The following SLC7A10 variants were observed in gnomAD, a reference collection of about 807,000 sequenced individuals.
SLC7A10 encodes solute carrier family 7 member 10.
Under a neutral mutation model 52.7 loss-of-function variants are expected in SLC7A10, and 30 were observed. That is an observed-to-expected ratio of 0.57 (90% CI 0.43 to 0.77). The LOEUF is 0.77. Among genes scored for constraint, SLC7A10 ranks in the 30% least tolerant of loss-of-function variants. The pLI is 0.00. For synonymous variants in SLC7A10, 318 were observed against 314.9 expected, an observed-to-expected ratio of 1.01 and a Z score of -0.10; for missense variants, 581 against 698.5, an observed-to-expected ratio of 0.83 and a Z score of 1.90.
intron 1 of SLC7A10, among the ~76,000 whole-genome samples, chr19:33,216,788 C>T (rs886732897): frequency 3.5e-4 from 54 of 152,212 alleles, no homozygotes; most frequent in Admixed American, 1.8e-3. Flanking sequence ...CCCTGTGGAT[C>T]AGGCTGGTCT....
At chr19:33,222,863 G>A (rs964999363) in intron 1 of SLC7A10, among the ~76,000 whole-genome samples, 2 of 152,122 alleles carry the variant, frequency 1.3e-5, no homozygotes, top group African/African-American at 4.8e-5. Flanking sequence ...ACCCTTCCAG[G>A]TCTTCCCATT....
At chr19:33,211,661 AG>A in intron 5 of SLC7A10, 124 bp from the exon 6 acceptor site, 1 of 1,544,596 alleles carries the variant, frequency 6.5e-7, no homozygotes, top group South Asian at 1.2e-5. Flanking sequence ...GGGGCAGGAA[AG>A]GGGGCAGCAT....
intron 2 of SLC7A10, among the ~76,000 whole-genome samples, chr19:33,213,948 TGCCTCATCGGGGACATCA>T (rs1212926483): frequency 8.5e-5 from 13 of 152,222 alleles, no homozygotes; most frequent in South Asian, 4.1e-4. Context: ...GGGAGAGGAC[TGCCTCATCGGGGACATCA>T]GCCATCTCTG....
chr19:33,222,459 TAAAATAAATAAAATA>T (rs1431815010), intron 1 of SLC7A10, among the ~76,000 whole-genome samples: 35 of 141,548 alleles, frequency 2.5e-4, no homozygotes, highest in South Asian at 6.5e-4. Context: ...TAAAATAAAA[TAAAATAAATAAAATA>T]AAATAAAATA....
chr19:33,225,665 G>T lies in SLC7A10; in HGVS notation c.39C>A (p.Asn13Lys). ...GHTQQPSGRG[N>K]PRPAPSPSPV... ...GGGAGGGCGAGGGCGCAGGCCTGGG[G>T]TTCCCGCGCCCGCTCGGCTGCTGCG... Residue 13 changes from asparagine (N) to lysine (K), a missense_variant, in exon 1 of 11, where the codon AAC becomes AAA. Coordinates refer to ENST00000253188, the MANE Select transcript of SLC7A10 (RefSeq NM_019849.3). 1 of 1,568,134 alleles carries T rather than the reference G, an allele frequency of 6.4e-7. No homozygotes were observed.
intron 10 of SLC7A10, 115 bp downstream of exon 10, chr19:33,209,177 GGTGGCGGCTGGGCCCT>G (rs1374641041): frequency 7.3e-6 from 11 of 1,507,390 alleles, no homozygotes; most frequent in Middle Eastern, 2.3e-4. Flanking sequence ...AGAGACATTT[GGTGGCGGCTGGGCCCT>G]GTGTTCCCAC....
intron 1 of SLC7A10, among the ~76,000 whole-genome samples, chr19:33,218,930 G>A (rs369886440): frequency 2.6e-5 from 4 of 151,740 alleles, no homozygotes; most frequent in South Asian, 2.1e-4. Context: ...TACCTGATTC[G>A]GGGAGCAGCA....
Position 33,225,575 on chromosome 19 carries a change from C to G in SLC7A10, c.129G>C (p.Leu43=), listed in dbSNP as rs774326321. The G allele has an allele frequency of 1.3e-6, 2 of 1,596,530 alleles. No homozygotes were observed. Among genetic ancestry groups the G allele is most frequent in the Non-Finnish European group, 1.7e-6 (2 of 1,179,306 alleles). ...RVALKKEIGL[L]SACTIIIGNI... ...CACCGATGATGATGGTGCAGGCGCTCAGCAGCCCGATCTCCTTCTTGAGCG... is the reference window on the plus strand; with the variant it reads ...CACCGATGATGATGGTGCAGGCGCTGAGCAGCCCGATCTCCTTCTTGAGCG... The change falls in exon 1 of 11, where the codon CTG becomes CTC. Residue 43 remains leucine (L), a synonymous_variant. Transcript: ENST00000253188.
Position 33,212,526 on chromosome 19 carries a change from G to A in SLC7A10, c.622C>T (p.Gln208Ter). 1 of 1,614,032 alleles carries A rather than the reference G, an allele frequency of 6.2e-7. No homozygotes were observed. Among genetic ancestry groups the A allele is most frequent in the Non-Finnish European group, 8.5e-7 (1 of 1,180,048 alleles). Reference sequence around the variant, plus strand: ...GACTCGGCCCTACCTTGGAAGATCTGGAGAAGGCCCACGCCGATGATGAGG... The same window carrying A: ...GACTCGGCCCTACCTTGGAAGATCTAGAGAAGGCCCACGCCGATGATGAGG... The part of the protein sequence containing the change: ...LSLIIGVGLL[Q>*]IFQGHFEELR... Residue 208 changes from glutamine to a stop codon, truncating the protein, a stop_gained, in exon 4 of 11, where the codon CAG (glutamine) becomes TAG (stop). Coordinates refer to ENST00000253188, the MANE Select transcript of SLC7A10 (RefSeq NM_019849.3). LOFTEE classifies it high-confidence loss of function.
rs1439222012 is a variant in SLC7A10 at position 33,209,336 on chromosome 19, G to A, written c.1413C>T (p.Ser471=). The change falls in exon 10 of 11, where the codon AGC becomes AGT. Residue 471 remains serine, a synonymous_variant. Transcript: ENST00000253188. ...TGAGTCTGTGCACACACTTTGGTTT[G>A]CTTCTCCAGAACACTCCCAGAAAGA... is the stretch of plus-strand genomic sequence containing the variant. ...PIFFLGVFWR[S]KPKCVHRLTE... 1.2e-6 allele frequency: 2 copies of A among 1,613,918 alleles called. No individual in the cohort carries two copies. Among genetic ancestry groups the A allele is most frequent in the Non-Finnish European group, 1.7e-6 (2 of 1,180,028 alleles).
In SLC7A10 at chr19:33,225,547, G is replaced by A; in HGVS notation, c.151+6C>T. ...CCCGGCGCCCGCCCGCCTGGGTCCC[G>A]CTCACCGATGATGATGGTGCAGGCG... On this transcript the variant is annotated splice_donor_region_variant and intron_variant, in intron 1 of 10. Coordinates refer to ENST00000253188, the MANE Select transcript of SLC7A10 (RefSeq NM_019849.3). 6.3e-7 allele frequency: 1 copy of A among 1,596,194 alleles called. No homozygotes were observed. Among genetic ancestry groups the A allele is most frequent in the Non-Finnish European group, 8.5e-7 (1 of 1,179,166 alleles).
intron 2 of SLC7A10, 126 bp downstream of exon 2, chr19:33,215,643 T>G: frequency 1.5e-5 from 6 of 405,454 alleles, no homozygotes; most frequent in Non-Finnish European, 2.1e-5. Flanking sequence ...CCCCACACCT[T>G]CTCTCCATCC....
At position 33,212,505 on chromosome 19, in the gene SLC7A10, C is replaced by T. The variant is rs757126405; in HGVS notation, c.634+9G>A. 23 of 1,613,858 alleles carry T rather than the reference C, an allele frequency of 1.4e-5. No homozygotes were observed. In the East Asian group the frequency reaches 3.6e-4, roughly 25 times the overall value. The stretch of plus-strand genomic sequence containing the variant: ...CCCCAGCCCGGCCCTTACCCCGACT[C>T]GGCCCTACCTTGGAAGATCTGGAGA... On this transcript the variant is annotated intron_variant, in intron 4 of 10. Transcript: ENST00000253188.
chr19:33,219,533 CACA>C (rs1455262091), intron 1 of SLC7A10, among the ~76,000 whole-genome samples: 5 of 152,230 alleles, frequency 3.3e-5, no homozygotes, highest in African/African-American at 1.2e-4. Flanking sequence ...TGCCTTGAAG[CACA>C]TTCTGGACCC....
intron 7 of SLC7A10, 81 bp downstream of exon 7, chr19:33,211,144 T>C: frequency 7.2e-7 from 1 of 1,381,024 alleles, no homozygotes. Flanking sequence ...AGGTGTCCCT[T>C]CCTCTGGCCC....
chr19:33,209,186 TG>T, intron 10 of SLC7A10, 121 bp downstream of exon 10: 5 of 1,523,228 alleles, frequency 3.3e-6, no homozygotes, highest in Non-Finnish European at 1.8e-6. Flanking sequence ...TGGTGGCGGC[TG>T]GGCCCTGTGT....
In SLC7A10 at chr19:33,212,382, T is replaced by A; in HGVS notation, c.698A>T (p.His233Leu). The change falls in exon 5 of 11, where the codon CAC becomes CTC. Residue 233 changes from histidine to leucine, a missense_variant. Transcript: ENST00000253188. ...FAFWMTPSVG[H>L]LALAFLQGSF... The stretch of plus-strand genomic sequence containing the variant: ...GCCCTGGAGGAAGGCCAGGGCCAGG[T>A]GTCCCACGGAGGGCGTCATCCAGAA... The A allele has an allele frequency of 6.2e-7, 1 of 1,613,810 alleles. No individual in the cohort carries two copies. Among genetic ancestry groups the A allele is most frequent in the Non-Finnish European group, 8.5e-7 (1 of 1,180,032 alleles).
chr19:33,212,467 G>A (rs1974576290), intron 4 of SLC7A10, 22 bp from the exon 5 acceptor site: 3 of 1,613,902 alleles, frequency 1.9e-6, no homozygotes, highest in Non-Finnish European at 2.5e-6. Flanking sequence ...GAAGTCGGGG[G>A]TCAGCACCAT....
Position 33,225,801 on chromosome 19 carries a change from C to A in SLC7A10, c.-98G>T. 6 of 1,294,550 alleles carry A rather than the reference C, an allele frequency of 4.6e-6. No individual in the cohort carries two copies. Among genetic ancestry groups the A allele is most frequent in the Non-Finnish European group, 5.9e-6 (6 of 1,015,552 alleles). The allele number at this position is 1,294,550 out of a possible 1,614,324, so 80.2% of individuals were successfully genotyped here. ...TCCGTGAGCTCACGGCCCTCGCAGCCGGGACAGCGCCCACAGGCGGGCGCA... is the reference window on the plus strand; with the variant it reads ...TCCGTGAGCTCACGGCCCTCGCAGCAGGGACAGCGCCCACAGGCGGGCGCA... On this transcript the variant is annotated 5_prime_UTR_variant, in exon 1 of 11. Coordinates refer to ENST00000253188, the MANE Select transcript of SLC7A10 (RefSeq NM_019849.3).
Sources: gnomAD v4.1 joint callset for allele counts (sites outside exome capture counted in the v4.1 genomes callset) on GRCh38, gnomAD v4.1.1 for gene constraint, MANE v1.5 for transcripts, NCBI Gene and HGNC (gene_info 2026-07-23, HGNC 2026-07-21) for gene names.